FAM171B: variants seen among roughly 807,000 people sequenced by gnomAD.
FAM171B encodes protein FAM171B.
In FAM171B, 19 loss-of-function variants were observed where a neutral mutation model predicts 75.6. The observed-to-expected ratio is 0.25, with a 90% CI of 0.18 to 0.37. The LOEUF is 0.37. Among genes scored for constraint, FAM171B ranks in the 10% least tolerant of loss-of-function variants. FAM171B has a pLI of 1.00. For missense variants in FAM171B, 848 were observed against 982.4 expected, an observed-to-expected ratio of 0.86 and a Z score of 1.83; for synonymous variants, 367 against 361.7, an observed-to-expected ratio of 1.01 and a Z score of -0.17.
chr2:186,753,589 GT>G (rs1378754014), intron 5 of FAM171B, among the ~76,000 whole-genome samples: 3 of 152,000 alleles, frequency 2.0e-5, no homozygotes, highest in Non-Finnish European at 4.4e-5. Context: ...TAATTTTTGT[GT>G]TTTTAATAGA....
chr2:186,707,501 C>T (rs1242834135), intron 1 of FAM171B, among the ~76,000 whole-genome samples: 3 of 152,128 alleles, frequency 2.0e-5, no homozygotes, highest in African/African-American at 2.4e-5. Context: ...CCTTGGGGAT[C>T]GTTCCCAACC....
intron 1 of FAM171B, among the ~76,000 whole-genome samples, chr2:186,729,149 T>C (rs905186619): frequency 1.3e-5 from 2 of 152,202 alleles, no homozygotes; most frequent in Non-Finnish European, 1.5e-5. Flanking sequence ...CCTAGCTCAC[T>C]GATACGTATT....
intron 1 of FAM171B, among the ~76,000 whole-genome samples, chr2:186,729,751 A>G (rs1207341507): frequency 3.9e-5 from 6 of 151,924 alleles, no homozygotes; most frequent in African/African-American, 1.5e-4. Flanking sequence ...GGATGGGGAG[A>G]AGAGGCTCAG....
chr2:186,713,613 G>T (rs186103398), intron 1 of FAM171B, among the ~76,000 whole-genome samples: 32 of 152,290 alleles, frequency 2.1e-4, no homozygotes, highest in Middle Eastern at 3.4e-3. Flanking sequence ...AATGAGGCCA[G>T]ATTTGTTTTT....
At chr2:186,703,037 T>C (rs1689684903) in intron 1 of FAM171B, among the ~76,000 whole-genome samples, 1 of 150,352 alleles carries the variant, frequency 6.7e-6, no homozygotes, top group Non-Finnish European at 1.5e-5. Flanking sequence ...GAAATATCAT[T>C]TATAAATTAT....
intron 1 of FAM171B, among the ~76,000 whole-genome samples, chr2:186,715,979 T>G (rs972478552): frequency 6.6e-6 from 1 of 152,212 alleles, no homozygotes; most frequent in Admixed American, 6.5e-5. Flanking sequence ...TATTAGCTTT[T>G]TGCTCTGTTT....
chr2:186,695,774 T>C (rs760584665), intron 1 of FAM171B, among the ~76,000 whole-genome samples: 1 of 152,180 alleles, frequency 6.6e-6, no homozygotes, highest in Non-Finnish European at 1.5e-5. Flanking sequence ...TTTTAATAAC[T>C]GAAAGTGATA....
Position 186,761,895 on chromosome 2 carries a change from A to G in FAM171B, c.1553A>G (p.Asn518Ser). ...AQDEKRYLTG[N>S]EEAYGRSHIP... ...GATGAAAAGAGGTATCTCACAGGTA[A>G]TGAGGAGGCGTATGGGCGTTCCCAT... is the stretch of plus-strand genomic sequence containing the variant. The change falls in exon 8 of 8, where the codon AAT (asparagine) becomes AGT (serine). Residue 518 changes from asparagine (N) to serine (S), a missense_variant. Transcript: ENST00000304698. 1.9e-6 allele frequency: 3 copies of G among 1,613,186 alleles called. No homozygotes were observed. Among genetic ancestry groups the G allele is most frequent in the Non-Finnish European group, 2.5e-6 (3 of 1,179,722 alleles).
intron 6 of FAM171B, among the ~76,000 whole-genome samples, chr2:186,757,918 AAACC>A (rs1690556248): frequency 1.3e-5 from 2 of 152,310 alleles, no homozygotes; most frequent in Admixed American, 1.3e-4. Flanking sequence ...AGTTATAATC[AAACC>A]AATCCTCCAT....
chr2:186,727,819 A>T (rs1690058104), intron 1 of FAM171B, among the ~76,000 whole-genome samples: 1 of 152,182 alleles, frequency 6.6e-6, no homozygotes, highest in Admixed American at 6.5e-5. Context: ...TAAATTTGGA[A>T]TTAAATTTGG....
chr2:186,713,551 G>A (rs1689836837), intron 1 of FAM171B, among the ~76,000 whole-genome samples: 1 of 152,166 alleles, frequency 6.6e-6, no homozygotes, highest in African/African-American at 2.4e-5. Flanking sequence ...AGTAAGGGTT[G>A]AATAGGTAGG....
At chr2:186,695,363 C>A (rs1282111727) in intron 1 of FAM171B, 1 of 152,134 alleles carries the variant, frequency 6.6e-6, no homozygotes, top group Non-Finnish European at 1.5e-5. Context: ...GCTGTAGATT[C>A]TTGTCTGCTA....
Position 186,765,433 on chromosome 2 carries a change from T to G in FAM171B, c.*2610T>G, listed in dbSNP as rs1021511724. 5.9e-5 allele frequency: 9 copies of G among 152,068 alleles called. No homozygotes were observed. The highest frequency in any genetic ancestry group is 2.9e-5 in the Non-Finnish European group (2 of 67,944). The allele number at this position is 152,068 out of a possible 1,614,324, so 9.4% of individuals were successfully genotyped here. Reference sequence around the variant, plus strand: ...TGATCTTGAGACTTTATAAATCAATTTTTATGACTTTATGCAGTTGTATAG... The same window carrying G: ...TGATCTTGAGACTTTATAAATCAATGTTTATGACTTTATGCAGTTGTATAG... On this transcript the variant is annotated 3_prime_UTR_variant, in exon 8 of 8. Transcript: ENST00000304698.
At chr2:186,721,236 T>A (rs903241793) in intron 1 of FAM171B, among the ~76,000 whole-genome samples, 1 of 152,072 alleles carries the variant, frequency 6.6e-6, no homozygotes, top group African/African-American at 2.4e-5. Context: ...TTGACTTAAT[T>A]GGGGCTGGGG....
At chr2:186,757,469 A>G (rs1271210672) in intron 6 of FAM171B, among the ~76,000 whole-genome samples, 1 of 152,132 alleles carries the variant, frequency 6.6e-6, no homozygotes, top group Admixed American at 6.6e-5. Context: ...AGGATGTATT[A>G]CTATAAAATC....
chr2:186,699,784 T>C (rs1461450632), intron 1 of FAM171B, among the ~76,000 whole-genome samples: 4 of 152,216 alleles, frequency 2.6e-5, no homozygotes, highest in Non-Finnish European at 5.9e-5. Flanking sequence ...TAATCCATTT[T>C]GATTTGATTT....
chr2:186,731,077 T>C (rs1690106624), intron 1 of FAM171B, among the ~76,000 whole-genome samples: 1 of 152,232 alleles, frequency 6.6e-6, no homozygotes, highest in African/African-American at 2.4e-5. Context: ...AGTTTGTCTC[T>C]CATGCGGTTT....
In FAM171B at chr2:186,694,150, G is replaced by T. The variant is rs1263615156; in HGVS notation, c.-24G>T. ...GCCGCCCGGAGCCCCGCAATATGCC[G>T]CCGCGGCCCTCTGGCTCTAGGCCAT... On this transcript the variant is annotated 5_prime_UTR_variant, in exon 1 of 8. Coordinates refer to ENST00000304698, the MANE Select transcript of FAM171B (RefSeq NM_177454.4). 4 of 1,531,744 alleles carry T rather than the reference G, an allele frequency of 2.6e-6. No homozygotes were observed. Among genetic ancestry groups the T allele is most frequent in the Non-Finnish European group, 3.5e-6 (4 of 1,145,988 alleles). The allele number at this position is 1,531,744 out of a possible 1,614,324, so 94.9% of individuals were successfully genotyped here. A position where few individuals can be genotyped will look rare whatever the true frequency, so the allele number is the denominator to read the frequency against.
chr2:186,701,784 T>C lies in FAM171B; in HGVS notation c.238+7373T>C, dbSNP rs190209026. ...GTTTGTTTTAGTAGCAGTTTTATAG[T>C]GTTCTTAATGTGAGTAAGTAGAAAC... On this transcript the variant is annotated intron_variant, in intron 1 of 7. Coordinates refer to ENST00000304698, the MANE Select transcript of FAM171B (RefSeq NM_177454.4). Among the ~76,000 whole-genome samples, 8 of 152,342 alleles carry C rather than the reference T, an allele frequency of 5.3e-5. No homozygotes were observed. In the East Asian group the frequency reaches 1.5e-3, roughly 29 times the overall value.
Sources: gnomAD v4.1 joint callset for allele counts (sites outside exome capture counted in the v4.1 genomes callset) on GRCh38, gnomAD v4.1.1 for gene constraint, MANE v1.5 for transcripts, NCBI Gene and HGNC (gene_info 2026-07-23, HGNC 2026-07-21) for gene names.